Variants in SLC26A7 observed in about 807,000 individuals in gnomAD.
SLC26A7 encodes the protein anion exchange transporter.
Under a neutral mutation model 82.5 loss-of-function variants are expected in SLC26A7, and 59 were observed. That is an observed-to-expected ratio of 0.72 (90% CI 0.58 to 0.89). SLC26A7 has a LOEUF of 0.89. Among genes scored for constraint, SLC26A7 ranks in the 40% least tolerant of loss-of-function variants. The pLI is 0.00. For missense variants in SLC26A7, 820 were observed against 793.0 expected (o/e 1.03, Z -0.41); for synonymous variants, 271 against 274.3 (o/e 0.99, Z 0.12).
intron 5 of SLC26A7, among the ~76,000 whole-genome samples, chr8:91,327,158 G>A (rs967630285): frequency 1.3e-5 from 2 of 152,092 alleles, no homozygotes; most frequent in African/African-American, 4.8e-5. Context: ...ACTCACTGCA[G>A]TAACCCAACC....
At chr8:91,220,229 C>G (rs935173029) in intron 2 of SLC26A7, among the ~76,000 whole-genome samples, 1 of 152,002 alleles carries the variant, frequency 6.6e-6, no homozygotes, top group Non-Finnish European at 1.5e-5. Flanking sequence ...AAATAAAAAA[C>G]CAAGTACAAA....
In SLC26A7 at chr8:91,393,982, G is replaced by A. The variant is rs1563717656; in HGVS notation, c.1878G>A (p.Glu626=). 3.1e-6 allele frequency: 5 copies of A among 1,613,682 alleles called. No individual in the cohort carries two copies. The highest frequency in any genetic ancestry group is 4.2e-6 in the Non-Finnish European group (5 of 1,179,696). Residue 626 remains glutamate (E), a synonymous_variant, in exon 18 of 19, where the codon GAG becomes GAA. Coordinates refer to ENST00000276609, the MANE Select transcript of SLC26A7 (RefSeq NM_052832.4). The part of the protein sequence containing the change: ...AMTYYGNLDS[E]KPIFFESVSA... ...CGTATTATGGAAACCTAGACTCAGAGAAACCAATTTTTTTTGAATCGGTAT... is the reference window on the plus strand; with the variant it reads ...CGTATTATGGAAACCTAGACTCAGAAAAACCAATTTTTTTTGAATCGGTAT...
chr8:91,245,676 G>A (rs1810535761), upstream of SLC26A7, among the ~76,000 whole-genome samples: 1 of 152,062 alleles, frequency 6.6e-6, no homozygotes, highest in African/African-American at 2.4e-5. Flanking sequence ...TCTCCACAGA[G>A]ACCACATTCA....
intron 2 of SLC26A7, among the ~76,000 whole-genome samples, chr8:91,235,993 A>G (rs1044796512): frequency 3.9e-5 from 6 of 152,192 alleles, no homozygotes; most frequent in Non-Finnish European, 7.4e-5. Context: ...TGAAAATTTT[A>G]CTTAGATGCA....
At chr8:91,305,368 C>G (rs1395375274) in intron 4 of SLC26A7, among the ~76,000 whole-genome samples, 1 of 152,110 alleles carries the variant, frequency 6.6e-6, no homozygotes, top group African/African-American at 2.4e-5. Flanking sequence ...TTAGATCCAT[C>G]TAGCTCAAGT....
chr8:91,285,163 G>A (rs563867508), intron 2 of SLC26A7, among the ~76,000 whole-genome samples: 40 of 152,244 alleles, frequency 2.6e-4, no homozygotes, highest in Non-Finnish European at 1.8e-4. Flanking sequence ...TTTGCATCTG[G>A]AAACAGCACT....
intron 2 of SLC26A7, among the ~76,000 whole-genome samples, chr8:91,262,647 T>G (rs187833528): frequency 1.3e-5 from 2 of 152,156 alleles, no homozygotes; most frequent in African/African-American, 2.4e-5. Flanking sequence ...CCCACAAGAA[T>G]AGGAGTTATT....
At chr8:91,265,784 G>C (rs1343723223) in intron 2 of SLC26A7, among the ~76,000 whole-genome samples, 1 of 151,728 alleles carries the variant, frequency 6.6e-6, no homozygotes, top group East Asian at 1.9e-4. Context: ...CGCCTTTCTA[G>C]TTTTTTTGGT....
intron 5 of SLC26A7, among the ~76,000 whole-genome samples, chr8:91,322,747 A>G (rs1311763959): frequency 6.6e-6 from 1 of 152,196 alleles, no homozygotes; most frequent in Non-Finnish European, 1.5e-5. Context: ...ATGTACAGTT[A>G]TATATATTAA....
chr8:91,382,544 GA>G (rs998466066), intron 15 of SLC26A7, among the ~76,000 whole-genome samples: 2 of 152,078 alleles, frequency 1.3e-5, no homozygotes, highest in African/African-American at 4.8e-5. Flanking sequence ...TTGTTAGGGA[GA>G]AAAAAGTCAA....
At chr8:91,318,151 A>G in intron 4 of SLC26A7, 65 bp from the exon 5 acceptor site, 1 of 1,372,342 alleles carries the variant, frequency 7.3e-7, no homozygotes, top group Non-Finnish European at 1.0e-6. Context: ...GTCAAATATT[A>G]AGCCCTCTGG....
chr8:91,221,074 G>A (rs1047518267), intron 2 of SLC26A7, among the ~76,000 whole-genome samples: 1 of 152,166 alleles, frequency 6.6e-6, no homozygotes, highest in Non-Finnish European at 1.5e-5. Context: ...TAAGTGGAGT[G>A]AGATTATCTC....
intron 2 of SLC26A7, among the ~76,000 whole-genome samples, chr8:91,230,105 A>G (rs1810292192): frequency 6.6e-6 from 1 of 152,128 alleles, no homozygotes; most frequent in Admixed American, 6.6e-5. Flanking sequence ...TAATGGTTTC[A>G]AGATTCATCC....
intron 15 of SLC26A7, among the ~76,000 whole-genome samples, chr8:91,383,441 G>A (rs1814717440): frequency 6.6e-6 from 1 of 151,978 alleles, no homozygotes; most frequent in South Asian, 2.1e-4. Context: ...ATTAAAGGAA[G>A]AAAAGACATA....
intron 2 of SLC26A7, among the ~76,000 whole-genome samples, chr8:91,286,693 A>C (rs1381054271): frequency 1.6e-4 from 25 of 152,292 alleles, no homozygotes; most frequent in Admixed American, 1.6e-3. Flanking sequence ...ATTACAGAGA[A>C]AGTAGAGATA....
chr8:91,283,872 A>T (rs1811641205), intron 2 of SLC26A7, among the ~76,000 whole-genome samples: 1 of 152,160 alleles, frequency 6.6e-6, no homozygotes, highest in Non-Finnish European at 1.5e-5. Context: ...ACTTATTAGG[A>T]CAAGAATTTT....
chr8:91,252,072 GAAGA>G (rs1327881008), intron 2 of SLC26A7, among the ~76,000 whole-genome samples: 2 of 152,232 alleles, frequency 1.3e-5, no homozygotes, highest in South Asian at 2.1e-4. Flanking sequence ...AGGAAAATTA[GAAGA>G]AAGAGGGATA....
At chr8:91,362,140 G>A (rs553693294) in intron 11 of SLC26A7, among the ~76,000 whole-genome samples, 1 of 152,138 alleles carries the variant, frequency 6.6e-6, no homozygotes, top group South Asian at 2.1e-4. Context: ...AATAAAAGAA[G>A]AAACTTTTTC....
chr8:91,362,695 T>C (rs574199168), intron 12 of SLC26A7, among the ~76,000 whole-genome samples: 1 of 152,154 alleles, frequency 6.6e-6, no homozygotes, highest in African/African-American at 2.4e-5. Context: ...CGTGATAAAA[T>C]AGAATATATA....
Sources: allele counts gnomAD v4.1 joint callset (sites outside exome capture counted in the v4.1 genomes callset), GRCh38; gene constraint gnomAD v4.1.1; transcripts MANE v1.5; gene names NCBI Gene and HGNC (gene_info 2026-07-23, HGNC 2026-07-21).